THADA: variants seen among roughly 807,000 people sequenced by gnomAD.
THADA encodes the protein THADA armadillo repeat containing, also known as tRNA (32-2'-O)-methyltransferase regulator THADA.
THADA carries 213 observed loss-of-function variants against 219.8 expected under a neutral mutation model. The observed-to-expected ratio is 0.97, with a 90% CI of 0.87 to 1.09. THADA has a LOEUF of 1.09. Ranked by LOEUF, THADA falls within the 50% of genes least tolerant of loss-of-function variation. The pLI, the probability that THADA is intolerant of heterozygous loss-of-function variation, is 0.00. For missense variants in THADA, 2,956 were observed against 2,311.3 expected (o/e 1.28, Z -5.72); for synonymous variants, 1,018 against 828.9 (o/e 1.23, Z -3.92).
intron 29 of THADA, among the ~76,000 whole-genome samples, chr2:43,393,616 G>A (rs889700729): frequency 1.3e-5 from 2 of 151,782 alleles, no homozygotes; most frequent in Non-Finnish European, 2.9e-5. Context: ...GCTAAGGCAG[G>A]AGAATTGCTT....
rs566950056 is a variant in THADA at position 43,423,439 on chromosome 2, T to C, written c.4058+4661A>G. 3.4e-3 allele frequency among the ~76,000 whole-genome samples: 522 copies of C among 151,406 alleles called. 1 individual carries two copies. The highest frequency in any genetic ancestry group is 5.3e-3 in the Non-Finnish European group (359 of 67,718). ...GTAGCTTTACTTTCTTTCTTTCTTT[T>C]TTTTTTTTTTTGAGACGGAGTCTTG... On this transcript the variant is annotated intron_variant, in intron 28 of 37. Coordinates refer to ENST00000405975, the MANE Select transcript of THADA (RefSeq NM_022065.5).
At chr2:43,540,972 A>C (rs1025786663) in intron 21 of THADA, among the ~76,000 whole-genome samples, 187 bp downstream of exon 21, 1 of 152,232 alleles carries the variant, frequency 6.6e-6, no homozygotes, top group Non-Finnish European at 1.5e-5. Flanking sequence ...ATTTCTAAAA[A>C]TGCCACAGTT....
intron 12 of THADA, 116 bp from the exon 13 acceptor site, chr2:43,571,978 A>G (rs1699353754): frequency 1.2e-6 from 1 of 864,374 alleles, no homozygotes; most frequent in East Asian, 2.4e-5. Flanking sequence ...TCAGTTCACC[A>G]ATAGGTACCT....
chr2:43,551,364 T>C (rs1696717035), intron 19 of THADA, among the ~76,000 whole-genome samples: 1 of 152,190 alleles, frequency 6.6e-6, no homozygotes, highest in African/African-American at 2.4e-5. Context: ...AATATTGGAA[T>C]ATCTGCATTG....
At chr2:43,292,292 G>T (rs1368550687) in intron 32 of THADA, 70 bp from the exon 33 acceptor site, 1 of 991,970 alleles carries the variant, frequency 1.0e-6, no homozygotes, top group Non-Finnish European at 1.5e-6. Context: ...GATGTTACAT[G>T]ATAATCAATT....
intron 25 of THADA, among the ~76,000 whole-genome samples, chr2:43,493,213 T>C (rs1322957139): frequency 6.6e-6 from 1 of 152,064 alleles, no homozygotes; most frequent in Non-Finnish European, 1.5e-5. Flanking sequence ...GATAAAAATA[T>C]AGGCCAGGCG....
chr2:43,566,696 AC>A lies in THADA; in HGVS notation c.2311+1del, dbSNP rs776370873. On this transcript the variant is annotated splice_donor_variant, in intron 15 of 37. Coordinates refer to ENST00000405975, the MANE Select transcript of THADA (RefSeq NM_022065.5). LOFTEE classifies it high-confidence loss of function. ...CTTCCCCTAACATTATTAAACACTT[AC>A]CTTCTGGGACATGAAAAACTTCAGC... 3 of 1,607,268 alleles carry A rather than the reference AC, an allele frequency of 1.9e-6. No individual in the cohort carries two copies. Among genetic ancestry groups the A allele is most frequent in the Non-Finnish European group, 2.5e-6 (3 of 1,178,018 alleles).
At chr2:43,270,993 T>C (rs959579060) in intron 36 of THADA, among the ~76,000 whole-genome samples, 2 of 152,174 alleles carry the variant, frequency 1.3e-5, no homozygotes, top group African/African-American at 4.8e-5. Flanking sequence ...GTCCCCCCAC[T>C]GGCCTGCTCA....
intron 26 of THADA, among the ~76,000 whole-genome samples, chr2:43,471,902 G>C (rs1012949141): frequency 4.6e-5 from 7 of 152,080 alleles, no homozygotes; most frequent in African/African-American, 1.7e-4. Flanking sequence ...CACTAAGTCT[G>C]GCATACAGTT....
rs201735523 is a variant in THADA, at chr2:43,489,874, C to CAAAAAAAAAAAAAAA, written c.3745-4564_3745-4550dup. On this transcript the variant is annotated intron_variant, in intron 25 of 37. Coordinates refer to ENST00000405975, the MANE Select transcript of THADA (RefSeq NM_022065.5). ...ATTTCCATATGTATTTTAAGATCTG[C>CAAAAAAAAAAAAAAA]AAAAAAAAAAAAAAAAAAAAGCTAG... 1.3e-3 allele frequency among the ~76,000 whole-genome samples: 73 copies of CAAAAAAAAAAAAAAA among 56,058 alleles called. 8 individuals are homozygous for CAAAAAAAAAAAAAAA. The highest frequency in any genetic ancestry group is 3.9e-3 in the African/African-American group (59 of 15,014). 36.8% of individuals were successfully genotyped at this position (56,058 alleles called of 152,430 possible). A position where few individuals can be genotyped will look rare whatever the true frequency, so the allele number is the denominator to read the frequency against.
rs530098555 is a variant in THADA, at chr2:43,569,120, C to T, written c.2187+1268G>A. ...CAGAGTATCTGGGAACACAGGTGCA[C>T]ACCACCACGCCCGTCTCAGGGTTGC... On this transcript the variant is annotated intron_variant, in intron 14 of 37. Transcript: ENST00000405975. Among the ~76,000 whole-genome samples, 31 of 152,190 alleles carry T rather than the reference C, an allele frequency of 2.0e-4. No homozygotes were observed. In the South Asian group the frequency reaches 5.2e-3, roughly 25 times the overall value.
intron 5 of THADA, 43 bp from the exon 6 acceptor site, chr2:43,586,777 A>T: frequency 6.2e-7 from 1 of 1,610,346 alleles, no homozygotes; most frequent in Non-Finnish European, 8.5e-7. Flanking sequence ...TTTCACGACC[A>T]AAATCAATGT....
intron 26 of THADA, among the ~76,000 whole-genome samples, chr2:43,461,265 A>T (rs1314078371): frequency 1.3e-5 from 2 of 152,236 alleles, no homozygotes; most frequent in African/African-American, 2.4e-5. Flanking sequence ...TTTTTAAACA[A>T]TGTGCCAAAA....
chr2:43,456,178 C>T (rs534674690), intron 26 of THADA, among the ~76,000 whole-genome samples: 107 of 152,162 alleles, frequency 7.0e-4, no homozygotes, highest in South Asian at 3.1e-3. Flanking sequence ...ATTGTTAAGG[C>T]AAATACTCAT....
intron 29 of THADA, among the ~76,000 whole-genome samples, chr2:43,366,233 A>G (rs1462578709): frequency 6.6e-6 from 1 of 152,228 alleles, no homozygotes; most frequent in Non-Finnish European, 1.5e-5. Flanking sequence ...TATGCAATGA[A>G]ATGAAATTAA....
chr2:43,563,445 A>C (rs1303038587), intron 15 of THADA: 1 of 152,124 alleles, frequency 6.6e-6, no homozygotes, highest in Non-Finnish European at 1.5e-5. Context: ...ACTTATCTAC[A>C]TCTTGTACAT....
At position 43,572,901 on chromosome 2, in the gene THADA, A is replaced by G. The variant is rs774085600; in HGVS notation, c.1821T>C (p.His607=). 3.1e-6 allele frequency: 5 copies of G among 1,613,990 alleles called. No individual in the cohort carries two copies. Among genetic ancestry groups the G allele is most frequent in the South Asian group, 1.1e-5 (1 of 91,078 alleles). The change falls in exon 12 of 38, where the codon CAT becomes CAC. Residue 607 remains histidine, a synonymous_variant. Transcript: ENST00000405975. ...LMACLRIARA[H]GHLQSATDTW... Reference sequence around the variant, plus strand: ...TATCAGTTGCAGACTGAAGATGTCCATGAGCTCTAGCTATTCGCAGACATG... The same window carrying G: ...TATCAGTTGCAGACTGAAGATGTCCGTGAGCTCTAGCTATTCGCAGACATG...
intron 29 of THADA, among the ~76,000 whole-genome samples, chr2:43,347,420 T>C (rs1050628620): frequency 1.3e-5 from 2 of 152,196 alleles, no homozygotes; most frequent in South Asian, 2.1e-4. Context: ...GTGATATGCA[T>C]ACGTGGCCTT....
intron 26 of THADA, among the ~76,000 whole-genome samples, chr2:43,449,240 T>A (rs1681995132): frequency 6.6e-6 from 1 of 151,780 alleles, no homozygotes. Context: ...AAATAATCAA[T>A]GAACCTGAAG....
Sources: gnomAD v4.1 joint callset for allele counts (sites outside exome capture counted in the v4.1 genomes callset) on GRCh38, gnomAD v4.1.1 for gene constraint, MANE v1.5 for transcripts, NCBI Gene and HGNC (gene_info 2026-07-23, HGNC 2026-07-21) for gene names.